The following SNTG1 variants were observed in gnomAD, a reference collection of about 807,000 sequenced individuals.
SNTG1 encodes syntrophin gamma 1, also known as gamma-1-syntrophin.
A neutral mutation model predicts 74.7 loss-of-function variants in SNTG1; 39 were observed. That is an observed-to-expected ratio of 0.52 (90% CI 0.40 to 0.68). SNTG1 has a LOEUF of 0.68. SNTG1 is among the 30% of genes least tolerant of loss of function. The pLI, the probability that SNTG1 is intolerant of heterozygous loss-of-function variation, is 0.00. For synonymous variants in SNTG1, 254 were observed against 217.1 expected (o/e 1.17, Z -1.49); for missense variants, 685 against 609.5 (o/e 1.12, Z -1.30).
At chr8:50,307,833 G>A (rs186067045) in intron 2 of SNTG1, among the ~76,000 whole-genome samples, 75 of 152,182 alleles carry the variant, frequency 4.9e-4, no homozygotes, top group Non-Finnish European at 9.1e-4. Flanking sequence ...TTTTAGGAAA[G>A]AGGTTACAAA....
chr8:50,601,021 A>G (rs1188746383), intron 13 of SNTG1, among the ~76,000 whole-genome samples: 2 of 151,738 alleles, frequency 1.3e-5, no homozygotes, highest in East Asian at 3.9e-4. Context: ...TACAAGAAAC[A>G]TTAGTTGGGC....
intron 2 of SNTG1, among the ~76,000 whole-genome samples, chr8:50,253,942 C>G (rs559652914): frequency 2.2e-4 from 33 of 151,694 alleles, no homozygotes; most frequent in African/African-American, 8.0e-4. Flanking sequence ...GAATGAATAA[C>G]CATTGATAAT....
At chr8:50,212,205 G>A (rs2084553573) in intron 2 of SNTG1, among the ~76,000 whole-genome samples, 1 of 152,040 alleles carries the variant, frequency 6.6e-6, no homozygotes, top group South Asian at 2.1e-4. Flanking sequence ...GTGATAATGA[G>A]GGAAGTCATT....
chr8:50,029,343 G>A (rs1817549108), intron 1 of SNTG1, among the ~76,000 whole-genome samples: 1 of 151,856 alleles, frequency 6.6e-6, no homozygotes, highest in Non-Finnish European at 1.5e-5. Context: ...CTTTGTGTTA[G>A]AATCATTTCA....
At chr8:49,993,771 G>A (rs1470170334) in intron 1 of SNTG1, among the ~76,000 whole-genome samples, 1 of 152,094 alleles carries the variant, frequency 6.6e-6, no homozygotes, top group Non-Finnish European at 1.5e-5. Context: ...TATTCCATGT[G>A]TATATGTGCC....
At position 50,624,719 on chromosome 8, in the gene SNTG1, C is replaced by G. The variant is rs1378480351; in HGVS notation, c.850-32190C>G. On this transcript the variant is annotated intron_variant, in intron 13 of 18. Coordinates refer to ENST00000642720, the MANE Select transcript of SNTG1 (RefSeq NM_018967.5). ...ATCACCGTCTTTCAAGTTTACAGTA[C>G]TTAGTTCATGCATTGCACTTTCACA... Among the ~76,000 whole-genome samples the G allele has an allele frequency of 2.0e-5, 3 of 152,258 alleles. No individual in the cohort carries two copies. The East Asian group carries it at 5.8e-4, about 29-fold the overall frequency.
chr8:50,540,182 A>G (rs115630285), intron 11 of SNTG1, among the ~76,000 whole-genome samples: 2,371 of 152,316 alleles, frequency 0.016, 58 homozygotes, highest in African/African-American at 0.053. Flanking sequence ...CTTGGCCAGA[A>G]TAAGAAATCC....
intron 17 of SNTG1, among the ~76,000 whole-genome samples, chr8:50,709,648 T>C (rs574246032): frequency 6.6e-6 from 1 of 152,266 alleles, no homozygotes; most frequent in South Asian, 2.1e-4. Flanking sequence ...TGCACATTAT[T>C]ATCATTATTT....
At chr8:50,556,607 G>A (rs1427399606) in intron 12 of SNTG1, among the ~76,000 whole-genome samples, 1 of 152,012 alleles carries the variant, frequency 6.6e-6, no homozygotes, top group Non-Finnish European at 1.5e-5. Context: ...TTAAATAATT[G>A]AAGACTTTAA....
intron 2 of SNTG1, among the ~76,000 whole-genome samples, chr8:50,238,877 C>G (rs961829642): frequency 7.2e-5 from 11 of 151,986 alleles, no homozygotes; most frequent in African/African-American, 2.4e-4. Flanking sequence ...ACATGAACAA[C>G]AAGCATATAA....
intron 1 of SNTG1, among the ~76,000 whole-genome samples, chr8:50,018,297 A>G (rs1020108621): frequency 6.6e-6 from 1 of 152,076 alleles, no homozygotes; most frequent in Non-Finnish European, 1.5e-5. Flanking sequence ...ACACTGAGGT[A>G]TTGGCATATG....
chr8:50,299,844 C>A (rs1040726088), intron 2 of SNTG1, among the ~76,000 whole-genome samples: 1 of 152,008 alleles, frequency 6.6e-6, no homozygotes, highest in African/African-American at 2.4e-5. Flanking sequence ...TAAGATCTTA[C>A]GTCTACAACC....
At chr8:50,369,546 A>C (rs2092214639) in intron 2 of SNTG1, among the ~76,000 whole-genome samples, 1 of 151,942 alleles carries the variant, frequency 6.6e-6, no homozygotes, top group Non-Finnish European at 1.5e-5. Flanking sequence ...CAGTGAGCTA[A>C]GATTGCATCA....
chr8:50,749,613 G>A (rs148199199), intron 17 of SNTG1, among the ~76,000 whole-genome samples: 116 of 152,078 alleles, frequency 7.6e-4, no homozygotes, highest in African/African-American at 2.1e-3. Flanking sequence ...AATGCAGCTC[G>A]TGACTAAAGT....
chr8:50,643,422 A>G (rs2095086632), intron 13 of SNTG1, among the ~76,000 whole-genome samples: 1 of 152,188 alleles, frequency 6.6e-6, no homozygotes, highest in Non-Finnish European at 1.5e-5. Context: ...TGCTGCAGTA[A>G]TTGCTGGCTC....
intron 17 of SNTG1, among the ~76,000 whole-genome samples, chr8:50,717,393 C>T (rs1419616693): frequency 6.6e-6 from 1 of 152,136 alleles, no homozygotes; most frequent in Admixed American, 6.5e-5. Context: ...AAAGTATTAT[C>T]CTTCAAACCT....
At chr8:50,653,016 T>A (rs1283929280) in intron 13 of SNTG1, among the ~76,000 whole-genome samples, 3 of 152,018 alleles carry the variant, frequency 2.0e-5, no homozygotes, top group Non-Finnish European at 2.9e-5. Context: ...TGGTATAATT[T>A]TTTTATTCTT....
intron 12 of SNTG1, among the ~76,000 whole-genome samples, chr8:50,576,240 T>C (rs910315001): frequency 1.1e-4 from 16 of 152,218 alleles, no homozygotes; most frequent in Admixed American, 4.6e-4. Context: ...TACGACTGTC[T>C]TTTTTCCATT....
At chr8:50,516,317 A>G (rs966116388) in intron 9 of SNTG1, among the ~76,000 whole-genome samples, 1 of 152,236 alleles carries the variant, frequency 6.6e-6, no homozygotes, top group African/African-American at 2.4e-5. Flanking sequence ...CCAAAAATAG[A>G]TAAGTCCACA....
Sources: allele counts gnomAD v4.1 joint callset (sites outside exome capture counted in the v4.1 genomes callset), GRCh38; gene constraint gnomAD v4.1.1; transcripts MANE v1.5; gene names NCBI Gene and HGNC (gene_info 2026-07-23, HGNC 2026-07-21).